The following POLE2 variants were observed in gnomAD, a reference collection of about 807,000 sequenced individuals.
POLE2 encodes the protein DNA polymerase epsilon 2, accessory subunit.
A neutral mutation model predicts 79.4 loss-of-function variants in POLE2; 56 were observed. That is an observed-to-expected ratio of 0.71 (90% CI 0.57 to 0.88). The LOEUF (loss-of-function observed/expected upper bound fraction) is 0.88. Among genes scored for constraint, POLE2 ranks in the 40% least tolerant of loss-of-function variants. POLE2 has a pLI of 0.00. For missense variants in POLE2, 598 were observed against 638.9 expected, an observed-to-expected ratio of 0.94 and a Z score of 0.69; for synonymous variants, 212 against 214.0, an observed-to-expected ratio of 0.99 and a Z score of 0.08.
At chr14:49,652,159 A>T in intron 15 of POLE2, among the ~76,000 whole-genome samples, 1 of 39,376 alleles carries the variant, frequency 2.5e-5, no homozygotes, top group Non-Finnish European at 7.7e-5. Context: ...CGTTAAGAAT[A>T]GAATACGGAG....
chr14:49,676,433 A>G (rs1886278780), intron 3 of POLE2, among the ~76,000 whole-genome samples: 1 of 152,250 alleles, frequency 6.6e-6, no homozygotes, highest in Admixed American at 6.5e-5. Context: ...CTGGTAGATC[A>G]GTCTGAGTAA....
chr14:49,674,049 T>A, intron 5 of POLE2, 74 bp downstream of exon 5: 1 of 897,742 alleles, frequency 1.1e-6, no homozygotes, highest in Non-Finnish European at 1.8e-6. Flanking sequence ...TCCCTGAGAT[T>A]TCCCTAAACT....
chr14:49,684,571 T>G (rs1247958780), intron 1 of POLE2: 1 of 149,008 alleles, frequency 6.7e-6, no homozygotes, highest in Non-Finnish European at 1.5e-5. Flanking sequence ...AGGTTGGCAC[T>G]CCACTTGACA....
intron 8 of POLE2, 32 bp downstream of exon 8, chr14:49,665,075 G>C (rs1345194101): frequency 2.9e-6 from 3 of 1,036,222 alleles, no homozygotes; most frequent in Non-Finnish European, 4.5e-6. Flanking sequence ...ACGTAATGCA[G>C]ATTTTAAAAA....
chr14:49,658,139 T>C (rs1884837717), intron 10 of POLE2, among the ~76,000 whole-genome samples: 1 of 151,654 alleles, frequency 6.6e-6, no homozygotes, highest in South Asian at 2.1e-4. Context: ...TGCAATGGCA[T>C]GATCTCGGCT....
chr14:49,662,851 G>A (rs1477752070), intron 10 of POLE2, among the ~76,000 whole-genome samples: 1 of 152,158 alleles, frequency 6.6e-6, no homozygotes, highest in Non-Finnish European at 1.5e-5. Context: ...TAATTCAAGT[G>A]ACAGGGAGCT....
At chr14:49,678,085 C>T (rs184592703) in intron 3 of POLE2, among the ~76,000 whole-genome samples, 7 of 151,878 alleles carry the variant, frequency 4.6e-5, no homozygotes, top group South Asian at 4.2e-4. Context: ...CTGCAACCTC[C>T]GCCTCCCGGG....
chr14:49,665,572 A>C (rs552842225), intron 7 of POLE2, among the ~76,000 whole-genome samples: 2 of 152,286 alleles, frequency 1.3e-5, no homozygotes, highest in East Asian at 3.9e-4. Context: ...AGGCTATGCA[A>C]ACTGGGCTCC....
At chr14:49,649,560 C>T (rs1029352233) in intron 17 of POLE2, among the ~76,000 whole-genome samples, 1 of 152,086 alleles carries the variant, frequency 6.6e-6, no homozygotes, top group African/African-American at 2.4e-5. Context: ...AGCAATTCTC[C>T]TGCCTCAGCC....
At chr14:49,678,350 T>C (rs1047251457) in intron 3 of POLE2, among the ~76,000 whole-genome samples, 1 of 151,932 alleles carries the variant, frequency 6.6e-6, no homozygotes, top group Non-Finnish European at 1.5e-5. Context: ...GACAAGGGGC[T>C]TTACTGAGTG....
chr14:49,656,354 CAAA>C (rs36046648), intron 10 of POLE2, among the ~76,000 whole-genome samples: 3 of 93,954 alleles, frequency 3.2e-5, no homozygotes, highest in Non-Finnish European at 4.5e-5. Flanking sequence ...ACTCTTGTCT[CAAA>C]AAAAAAAAAA....
At chr14:49,685,799 T>G (rs1594627099) in intron 1 of POLE2, among the ~76,000 whole-genome samples, 1 of 151,998 alleles carries the variant, frequency 6.6e-6, no homozygotes, top group East Asian at 1.9e-4. Context: ...GTTTTTTTTT[T>G]TGTATTTTTA....
At chr14:49,649,382 G>A (rs572884284) in intron 17 of POLE2, among the ~76,000 whole-genome samples, 7 of 151,302 alleles carry the variant, frequency 4.6e-5, no homozygotes, top group Non-Finnish European at 8.8e-5. Flanking sequence ...TCCTGACCTC[G>A]TGATCTGCCC....
At chr14:49,682,640 GAAAAAAAAA>G (rs35984833) in intron 2 of POLE2, among the ~76,000 whole-genome samples, 24 of 60,980 alleles carry the variant, frequency 3.9e-4, no homozygotes, top group East Asian at 1.1e-3. Flanking sequence ...CCTTCTCAGG[GAAAAAAAAA>G]AAAAAAAAAA....
At chr14:49,674,926 A>G (rs1886157039) in intron 3 of POLE2, among the ~76,000 whole-genome samples, 1 of 152,292 alleles carries the variant, frequency 6.6e-6, no homozygotes, top group South Asian at 2.1e-4. Flanking sequence ...GTGCATTTTC[A>G]TCTCAAGGGA....
At position 49,663,299 on chromosome 14, in the gene POLE2, CCAAA is replaced by C. The variant is rs767946583; in HGVS notation, c.755+12_755+15del. On this transcript the variant is annotated intron_variant, in intron 10 of 18. Transcript: ENST00000216367. ...TTACCAAATTCCCATAGAGTATAAA[CCAAA>C]CATTTTAATACCTAGTAGTACTAGA... 1 of 1,457,958 alleles carries C rather than the reference CCAAA, an allele frequency of 6.9e-7. No homozygotes were observed. The highest frequency in any genetic ancestry group is 9.5e-7 in the Non-Finnish European group (1 of 1,054,618). The allele number at this position is 1,457,958 out of a possible 1,614,324, so 90.3% of individuals were successfully genotyped here.
At chr14:49,683,326 C>T (rs1056063252) in intron 2 of POLE2, among the ~76,000 whole-genome samples, 3 of 151,970 alleles carry the variant, frequency 2.0e-5, no homozygotes, top group African/African-American at 4.8e-5. Flanking sequence ...TGCTTGAACC[C>T]GGGAGGTGGG....
chr14:49,687,884 G>A (rs1258462290), intron 1 of POLE2, among the ~76,000 whole-genome samples: 2 of 152,128 alleles, frequency 1.3e-5, no homozygotes, highest in Non-Finnish European at 1.5e-5. Flanking sequence ...ATTTTTAGTA[G>A]AGACGGGGCT....
rs1355992715 is a variant in POLE2, at chr14:49,655,036, T to C, written c.987A>G (p.Pro329=). ...FILCGNFSSA[P]YGKNQVQALK... is the part of the protein sequence containing the mutation. ...AAGCTTGAACTTGATTTTTTCCATA[T>C]GGTGCAGATGAAAAATTACCACACA... The change falls in exon 12 of 19, where the codon CCA becomes CCG. Residue 329 remains proline (P), a synonymous_variant. Transcript: ENST00000216367. 4 of 1,580,966 alleles carry C rather than the reference T, an allele frequency of 2.5e-6. No individual in the cohort carries two copies. Among genetic ancestry groups the C allele is most frequent in the Non-Finnish European group, 8.6e-7 (1 of 1,162,432 alleles).
Sources: gnomAD v4.1 joint callset for allele counts (sites outside exome capture counted in the v4.1 genomes callset) on GRCh38, gnomAD v4.1.1 for gene constraint, MANE v1.5 for transcripts, NCBI Gene and HGNC (gene_info 2026-07-23, HGNC 2026-07-21) for gene names.